Variants in FKTN observed in about 807,000 individuals in gnomAD.
FKTN encodes ribitol-5-phosphate transferase FKTN.
Under a neutral mutation model 58.6 loss-of-function variants are expected in FKTN, and 47 were observed. The ratio of observed to expected loss-of-function variants is 0.80; its 90% confidence interval spans 0.63 to 1.02. FKTN has a LOEUF of 1.02. FKTN is among the 50% of genes least tolerant of loss of function. The pLI, the probability that FKTN is intolerant of heterozygous loss-of-function variation, is 0.00. For missense variants in FKTN, 516 were observed against 537.3 expected (o/e 0.96, Z 0.39); for synonymous variants, 178 against 191.9 (o/e 0.93, Z 0.60).
chr9:105,615,761 AC>A (rs1292870477), intron 8 of FKTN, among the ~76,000 whole-genome samples: 1 of 151,834 alleles, frequency 6.6e-6, no homozygotes, highest in Non-Finnish European at 1.5e-5. Flanking sequence ...AACCCTATAT[AC>A]GCTGCTCTTT....
chr9:105,602,150 A>G (rs1199227937), intron 5 of FKTN, among the ~76,000 whole-genome samples: 2 of 152,238 alleles, frequency 1.3e-5, no homozygotes, highest in South Asian at 2.1e-4. Flanking sequence ...TTGTCTCTTC[A>G]TTGACATGAC....
At chr9:105,586,370 A>C (rs1334522820) in intron 3 of FKTN, among the ~76,000 whole-genome samples, 2 of 152,192 alleles carry the variant, frequency 1.3e-5, no homozygotes, top group Non-Finnish European at 2.9e-5. Context: ...GTGGGCGCCA[A>C]CTTTCAAGTA....
chr9:105,627,871 T>A (rs1187161288), intron 10 of FKTN, among the ~76,000 whole-genome samples: 1 of 152,180 alleles, frequency 6.6e-6, no homozygotes, highest in Non-Finnish European at 1.5e-5. Context: ...GAGCCCTACA[T>A]GAAACTAAGT....
At chr9:105,580,014 G>A (rs1338623964) in intron 3 of FKTN, among the ~76,000 whole-genome samples, 1 of 151,260 alleles carries the variant, frequency 6.6e-6, no homozygotes, top group East Asian at 1.9e-4. Flanking sequence ...TTTTCCATTT[G>A]CTTGGTAGAT....
chr9:105,581,304 A>G (rs1842844122), intron 3 of FKTN, among the ~76,000 whole-genome samples: 1 of 146,616 alleles, frequency 6.8e-6, no homozygotes, highest in African/African-American at 2.6e-5. Flanking sequence ...GGTTTTATCT[A>G]CTTTTGGTCT....
At chr9:105,626,407 T>A (rs1432061033) in intron 10 of FKTN, among the ~76,000 whole-genome samples, 1 of 152,186 alleles carries the variant, frequency 6.6e-6, no homozygotes, top group Non-Finnish European at 1.5e-5. Flanking sequence ...CCTCACATGG[T>A]GAAAGGAGCA....
chr9:105,598,491 A>C (rs1827235729), intron 4 of FKTN: 1 of 153,628 alleles, frequency 6.5e-6, no homozygotes, highest in African/African-American at 2.4e-5. Flanking sequence ...GTTTTAATAA[A>C]ATTTTAATAC....
chr9:105,566,964 A>G (rs891132000), intron 1 of FKTN, among the ~76,000 whole-genome samples: 2 of 152,244 alleles, frequency 1.3e-5, no homozygotes, highest in African/African-American at 4.8e-5. Context: ...AGTGGGCTTC[A>G]TCCCCAGGAT....
intron 4 of FKTN, among the ~76,000 whole-genome samples, chr9:105,600,653 C>A (rs1479355330): frequency 2.0e-5 from 3 of 152,062 alleles, no homozygotes; most frequent in African/African-American, 7.2e-5. Context: ...TATTAAGCAG[C>A]ATTACAGATA....
chr9:105,595,352 C>G (rs1343991635), intron 3 of FKTN, among the ~76,000 whole-genome samples: 1 of 152,130 alleles, frequency 6.6e-6, no homozygotes, highest in Non-Finnish European at 1.5e-5. Flanking sequence ...AAATAACATG[C>G]TAGCTCACTA....
chr9:105,591,674 G>A (rs1256501776), intron 3 of FKTN, among the ~76,000 whole-genome samples: 1 of 152,112 alleles, frequency 6.6e-6, no homozygotes, highest in Non-Finnish European at 1.5e-5. Flanking sequence ...CCACTTTGGG[G>A]TCTGGAGGAC....
intron 1 of FKTN, among the ~76,000 whole-genome samples, chr9:105,561,036 A>C (rs772160442): frequency 2.6e-5 from 4 of 151,948 alleles, no homozygotes; most frequent in Non-Finnish European, 5.9e-5. Context: ...CAGTGAGCTG[A>C]GATTGTGCCA....
chr9:105,574,584 C>T (rs1407156618), intron 2 of FKTN, among the ~76,000 whole-genome samples: 1 of 151,854 alleles, frequency 6.6e-6, no homozygotes, highest in Non-Finnish European at 1.5e-5. Context: ...AAGTGGTTCT[C>T]AGCATTGTCA....
In FKTN at chr9:105,617,978, C is replaced by A; in HGVS notation, c.930C>A (p.Asn310Lys). ...GTCLGWYRQC[N>K]IIPYSKDVDL... is the part of the protein sequence containing the mutation. ...TTTTAGGATGGTATCGACAATGCAA[C>A]ATTATTCCTTATAGCAAAGATGTTG... is the stretch of plus-strand genomic sequence containing the variant. The change falls in exon 9 of 11, where the codon AAC becomes AAA. Residue 310 changes from asparagine to lysine, a missense_variant. By Grantham distance (94) the Asn-to-Lys change is moderately conservative. Transcript: ENST00000357998. The A allele has an allele frequency of 6.3e-7, 1 of 1,590,446 alleles. No homozygotes were observed. Among genetic ancestry groups the A allele is most frequent in the Non-Finnish European group, 8.6e-7 (1 of 1,158,894 alleles).
At chr9:105,595,659 A>G (rs1826641565) in intron 3 of FKTN, among the ~76,000 whole-genome samples, 1 of 152,158 alleles carries the variant, frequency 6.6e-6, no homozygotes, top group Non-Finnish European at 1.5e-5. Context: ...AACCTTTACT[A>G]AGCTATAAAA....
chr9:105,615,238 A>T, intron 7 of FKTN, 40 bp from the exon 8 acceptor site: 1 of 1,604,494 alleles, frequency 6.2e-7, no homozygotes, highest in Non-Finnish European at 8.5e-7. Context: ...CTAGCAATTT[A>T]GAAATGGCTG....
Position 105,637,396 on chromosome 9 carries a change from G to A in FKTN, c.*2132G>A, listed in dbSNP as rs1025808316. The A allele has an allele frequency of 2.0e-6, 2 of 985,428 alleles. No individual in the cohort carries two copies. The highest frequency in any genetic ancestry group is 1.7e-5 in the African/African-American group (1 of 57,354). The allele number at this position is 985,428 out of a possible 1,614,324, so 61.0% of individuals were successfully genotyped here. On this transcript the variant is annotated 3_prime_UTR_variant, in exon 11 of 11. Transcript: ENST00000357998. ...TTCCCTACATAGACCACTGGCTGCT[G>A]AAATACTTTTCTTGTCTTCTGGTTT...
chr9:105,569,739 A>C (rs1450733717), intron 1 of FKTN, among the ~76,000 whole-genome samples: 1 of 152,200 alleles, frequency 6.6e-6, no homozygotes, highest in South Asian at 2.1e-4. Context: ...TCATATTTGC[A>C]TTAGAACTTT....
chr9:105,594,383 G>A (rs2132540389), intron 3 of FKTN, among the ~76,000 whole-genome samples: 1 of 152,336 alleles, frequency 6.6e-6, no homozygotes, highest in African/African-American at 2.4e-5. Flanking sequence ...CTAGGAGAAT[G>A]AGACAGTTAA....
Sources: allele counts gnomAD v4.1 joint callset (sites outside exome capture counted in the v4.1 genomes callset), GRCh38; gene constraint gnomAD v4.1.1; transcripts MANE v1.5; gene names NCBI Gene and HGNC (gene_info 2026-07-23, HGNC 2026-07-21).